The following RABGAP1L variants were observed in gnomAD, a reference collection of about 807,000 sequenced individuals.
RABGAP1L encodes RAB GTPase activating protein 1 like.
Under a neutral mutation model 137.7 loss-of-function variants are expected in RABGAP1L, and 63 were observed. The observed-to-expected ratio is 0.46, with a 90% confidence interval of 0.37 to 0.56. The LOEUF is 0.56. RABGAP1L is among the 20% of genes least tolerant of loss of function. RABGAP1L has a pLI of 0.00. For missense variants in RABGAP1L, 1,095 were observed against 1,244.0 expected, an observed-to-expected ratio of 0.88 and a Z score of 1.80; for synonymous variants, 431 against 433.7, an observed-to-expected ratio of 0.99 and a Z score of 0.08.
intron 13 of RABGAP1L, among the ~76,000 whole-genome samples, chr1:174,501,298 C>G (rs1433906976): frequency 6.6e-6 from 1 of 151,500 alleles, no homozygotes; most frequent in African/African-American, 2.4e-5. Flanking sequence ...ACTGCAACCT[C>G]TGCCTCCCGG....
intron 18 of RABGAP1L, among the ~76,000 whole-genome samples, chr1:174,808,410 C>T (rs1327599468): frequency 1.3e-5 from 2 of 152,040 alleles, no homozygotes; most frequent in Non-Finnish European, 2.9e-5. Flanking sequence ...GCTATGATTG[C>T]ACCATCGTAC....
rs534574758 is a variant in RABGAP1L, at chr1:174,512,083, G to T, written c.1710+117938G>T. ...ATCCACATAATGTATAGTGATCAGGGTAATTAACATATCCATTGTCTCAAA... is the reference window on the plus strand; with the variant it reads ...ATCCACATAATGTATAGTGATCAGGTTAATTAACATATCCATTGTCTCAAA... On this transcript the variant is annotated intron_variant, in intron 13 of 25. Coordinates refer to ENST00000681986, the MANE Select transcript of RABGAP1L (RefSeq NM_001366446.1). Among the ~76,000 whole-genome samples, 15 of 152,192 alleles carry T rather than the reference G, an allele frequency of 9.9e-5. No homozygotes were observed. The South Asian group carries it at 1.5e-3, about 15-fold the overall frequency.
At position 174,321,090 on chromosome 1, in the gene RABGAP1L, T is replaced by C. The variant is rs761340287; in HGVS notation, c.1465+15963T>C. ...CTAAAATGGCTGCTCTAGGAATGTCTGAATTATATGGTTGTTGATAAGGGA... is the reference window on the plus strand; with the variant it reads ...CTAAAATGGCTGCTCTAGGAATGTCCGAATTATATGGTTGTTGATAAGGGA... On this transcript the variant is annotated intron_variant, in intron 11 of 25. Coordinates refer to ENST00000681986, the MANE Select transcript of RABGAP1L (RefSeq NM_001366446.1). Among the ~76,000 whole-genome samples the C allele has an allele frequency of 3.3e-4, 50 of 152,134 alleles. 1 individual carries two copies. The highest frequency in any genetic ancestry group is 8.8e-5 in the Non-Finnish European group (6 of 68,000).
At chr1:174,867,693 T>A (rs559294887) in intron 19 of RABGAP1L, among the ~76,000 whole-genome samples, 1 of 152,182 alleles carries the variant, frequency 6.6e-6, no homozygotes, top group Non-Finnish European at 1.5e-5. Flanking sequence ...TCACCCAGGC[T>A]GGACTGCAGT....
chr1:174,177,810 C>T (rs1044145738), intron 1 of RABGAP1L, among the ~76,000 whole-genome samples: 17 of 152,036 alleles, frequency 1.1e-4, no homozygotes, highest in African/African-American at 1.9e-4. Flanking sequence ...GTGTTATTTC[C>T]GAGGTCTCTA....
At chr1:174,535,531 G>A (rs758368226) in intron 13 of RABGAP1L, among the ~76,000 whole-genome samples, 4 of 152,126 alleles carry the variant, frequency 2.6e-5, no homozygotes, top group African/African-American at 9.7e-5. Context: ...TTGCCTGCTA[G>A]GTGTTCGGAA....
intron 5 of RABGAP1L, among the ~76,000 whole-genome samples, chr1:174,247,816 G>C (rs1029838877): frequency 1.3e-5 from 2 of 152,036 alleles, no homozygotes; most frequent in Non-Finnish European, 2.9e-5. Flanking sequence ...TATATACCTG[G>C]TTAGTATGCA....
chr1:174,925,889 G>GGTTT (rs1558240184), intron 19 of RABGAP1L, among the ~76,000 whole-genome samples: 1 of 108,084 alleles, frequency 9.3e-6, no homozygotes, highest in Non-Finnish European at 2.0e-5. Flanking sequence ...TTTTTTTTGT[G>GGTTT]TTTTTTTTTT....
At chr1:174,503,802 A>G (rs1466394705) in intron 13 of RABGAP1L, among the ~76,000 whole-genome samples, 1 of 152,188 alleles carries the variant, frequency 6.6e-6, no homozygotes, top group South Asian at 2.1e-4. Flanking sequence ...AAATTTTACC[A>G]AGGAGATGAA....
At chr1:174,810,745 A>T (rs1205363217) in intron 18 of RABGAP1L, among the ~76,000 whole-genome samples, 1 of 152,172 alleles carries the variant, frequency 6.6e-6, no homozygotes, top group Non-Finnish European at 1.5e-5. Context: ...GTTTATTAAA[A>T]TATTTATTGT....
intron 13 of RABGAP1L, chr1:174,548,593 A>G (rs1572276120): frequency 1.0e-6 from 1 of 968,990 alleles, no homozygotes; most frequent in Non-Finnish European, 1.2e-6. Context: ...TTTCATACCC[A>G]CAGAAATTTG....
intron 13 of RABGAP1L, among the ~76,000 whole-genome samples, chr1:174,574,636 G>T (rs915609775): frequency 1.3e-5 from 2 of 152,012 alleles, no homozygotes; most frequent in East Asian, 1.9e-4. Context: ...AAAATGGCAT[G>T]TTTTTTTAAC....
chr1:174,202,266 A>C (rs911873481), intron 1 of RABGAP1L, among the ~76,000 whole-genome samples: 1 of 152,136 alleles, frequency 6.6e-6, no homozygotes, highest in South Asian at 2.1e-4. Context: ...CAGTCCCACC[A>C]ACAGTGTAAA....
intron 19 of RABGAP1L, among the ~76,000 whole-genome samples, chr1:174,814,225 A>T (rs1255684945): frequency 1.3e-5 from 2 of 152,110 alleles, no homozygotes; most frequent in African/African-American, 4.8e-5. Context: ...ACCAGAATAA[A>T]TTTTTTGGAC....
At chr1:174,557,874 A>T (rs1666978732) in intron 13 of RABGAP1L, among the ~76,000 whole-genome samples, 1 of 152,242 alleles carries the variant, frequency 6.6e-6, no homozygotes, top group Admixed American at 6.5e-5. Context: ...TGGAAAGCAC[A>T]TGGACCACAT....
chr1:174,262,320 T>C lies in RABGAP1L; in HGVS notation c.986+9730T>C, dbSNP rs375243571. Among the ~76,000 whole-genome samples, 8 of 152,320 alleles carry C rather than the reference T, an allele frequency of 5.3e-5. No homozygotes were observed. In the East Asian group the frequency reaches 1.2e-3, roughly 22 times the overall value. ...TCATGGTTTAAGTATTAAATGTGGA[T>C]GTAGTACTATTACGTTTTTAGCATT... On this transcript the variant is annotated intron_variant, in intron 7 of 25. Coordinates refer to ENST00000681986, the MANE Select transcript of RABGAP1L (RefSeq NM_001366446.1).
chr1:174,423,437 A>G (rs1651586318), intron 13 of RABGAP1L, among the ~76,000 whole-genome samples: 1 of 152,014 alleles, frequency 6.6e-6, no homozygotes, highest in African/African-American at 2.4e-5. Context: ...TTGCTTCTTT[A>G]TTCTGTTCTG....
intron 19 of RABGAP1L, among the ~76,000 whole-genome samples, chr1:174,881,654 C>T (rs1214494422): frequency 1.3e-5 from 2 of 151,884 alleles, no homozygotes; most frequent in Non-Finnish European, 2.9e-5. Flanking sequence ...TGCTAGCCAC[C>T]ATGCCCAGCT....
intron 13 of RABGAP1L, among the ~76,000 whole-genome samples, chr1:174,487,934 A>G (rs1230723547): frequency 1.3e-5 from 2 of 152,142 alleles, no homozygotes; most frequent in Non-Finnish European, 1.5e-5. Context: ...TTCATCCCCC[A>G]GATAGTTAAT....
Sources: gnomAD v4.1 joint callset for allele counts (sites outside exome capture counted in the v4.1 genomes callset) on GRCh38, gnomAD v4.1.1 for gene constraint, MANE v1.5 for transcripts, NCBI Gene and HGNC (gene_info 2026-07-23, HGNC 2026-07-21) for gene names.